TTLL5: variants seen among roughly 807,000 people sequenced by gnomAD.
TTLL5 encodes tubulin polyglutamylase TTLL5.
A neutral mutation model predicts 168.4 loss-of-function variants in TTLL5; 132 were observed. The observed-to-expected ratio is 0.78, with a 90% CI of 0.68 to 0.91. The LOEUF is 0.91. Ranked by LOEUF, TTLL5 falls within the 40% of genes least tolerant of loss-of-function variation. TTLL5 has a pLI of 0.00. For synonymous variants in TTLL5, 546 were observed against 558.6 expected, an observed-to-expected ratio of 0.98 and a Z score of 0.32; for missense variants, 1,545 against 1,581.5, an observed-to-expected ratio of 0.98 and a Z score of 0.39.
intron 27 of TTLL5, among the ~76,000 whole-genome samples, chr14:75,798,009 T>G (rs1219365800): frequency 6.6e-6 from 1 of 152,048 alleles, no homozygotes; most frequent in Non-Finnish European, 1.5e-5. Flanking sequence ...TGGAATAGTT[T>G]CAATAAGATT....
chr14:75,783,056 G>A lies in TTLL5; in HGVS notation c.2603-91G>A. The A allele has an allele frequency of 3.1e-6, 4 of 1,291,450 alleles. No individual in the cohort carries two copies. In the South Asian group the frequency reaches 4.6e-5, roughly 15 times the overall value. 80.0% of individuals were successfully genotyped at this position (1,291,450 alleles called of 1,614,324 possible). ...ATTTCTGTTTCATGCCAAGATTATT[G>A]TGATGTTTATGTTTTAAAAATATTT... On this transcript the variant is annotated intron_variant, in intron 25 of 31. Transcript: ENST00000298832.
intron 15 of TTLL5, among the ~76,000 whole-genome samples, chr14:75,743,308 G>T (rs1175532859): frequency 6.6e-6 from 1 of 152,118 alleles, no homozygotes; most frequent in Non-Finnish European, 1.5e-5. Context: ...ATCCATGGTT[G>T]GTTATTTGTG....
intron 30 of TTLL5, 147 bp from the exon 31 acceptor site, chr14:75,901,995 G>A (rs181412236): frequency 2.2e-5 from 15 of 671,898 alleles, no homozygotes; most frequent in South Asian, 7.0e-5. Flanking sequence ...TCTCTGATAA[G>A]GTGACATTTG....
chr14:75,715,264 C>CTTTT lies in TTLL5; in HGVS notation c.741-2578_741-2575dup, dbSNP rs1201985101. ...ACTTCCCACCCTACTCACCATCTTC[C>CTTTT]TTTTTTTTTTTTTTTTTTTTTTGTA... On this transcript the variant is annotated intron_variant, in intron 9 of 31. Transcript: ENST00000298832. Among the ~76,000 whole-genome samples the CTTTT allele has an allele frequency of 7.1e-4, 93 of 130,936 alleles. 1 individual carries two copies. Among genetic ancestry groups the CTTTT allele is most frequent in the East Asian group, 1.0e-3 (5 of 4,768 alleles). The allele number at this position is 130,936 out of a possible 152,430, so 85.9% of individuals were successfully genotyped here. A position where few individuals can be genotyped will look rare whatever the true frequency, so the allele number is the denominator to read the frequency against.
At chr14:75,806,373 C>A (rs560162870) in intron 27 of TTLL5, among the ~76,000 whole-genome samples, 2 of 152,156 alleles carry the variant, frequency 1.3e-5, no homozygotes, top group African/African-American at 2.4e-5. Flanking sequence ...TCATGGTACT[C>A]TTCTGCTTAA....
At chr14:75,734,090 T>C in intron 14 of TTLL5, 40 bp downstream of exon 14, 2 of 1,598,802 alleles carry the variant, frequency 1.3e-6, no homozygotes, top group South Asian at 2.2e-5. Flanking sequence ...CACATAAAAA[T>C]TAACCGGAGC....
intron 10 of TTLL5, 55 bp downstream of exon 10, chr14:75,718,017 T>C: frequency 6.6e-7 from 1 of 1,524,514 alleles, no homozygotes; most frequent in South Asian, 1.1e-5. Context: ...ATGTGGGTGT[T>C]GTAGAGGTGG....
intron 31 of TTLL5, among the ~76,000 whole-genome samples, chr14:75,909,792 G>A (rs1028650212): frequency 3.9e-5 from 6 of 152,232 alleles, no homozygotes; most frequent in African/African-American, 1.2e-4. Context: ...GTGTTTTGCT[G>A]GCATTGACCT....
intron 5 of TTLL5, chr14:75,683,966 G>T: frequency 7.6e-6 from 2 of 264,470 alleles, no homozygotes; most frequent in South Asian, 7.6e-5. Flanking sequence ...GAGAGACGAG[G>T]TTTCGCCATG....
In TTLL5 at chr14:75,696,137, G is replaced by T. The variant is rs193224853; in HGVS notation, c.503-3051G>T. On this transcript the variant is annotated intron_variant, in intron 6 of 31. Coordinates refer to ENST00000298832, the MANE Select transcript of TTLL5 (RefSeq NM_015072.5). ...ACTCCTGGCCTCAAGGGATCCTCCT[G>T]CCCCAGTCTCCCAAAGCGCTGGGAT... is the stretch of plus-strand genomic sequence containing the variant. Among the ~76,000 whole-genome samples, 59 of 152,060 alleles carry T rather than the reference G, an allele frequency of 3.9e-4. No homozygotes were observed. The East Asian group carries it at 0.011, about 29-fold the overall frequency.
intron 27 of TTLL5, among the ~76,000 whole-genome samples, chr14:75,817,129 AC>A (rs1321269523): frequency 6.6e-6 from 1 of 151,586 alleles, no homozygotes; most frequent in Non-Finnish European, 1.5e-5. Flanking sequence ...ACAGGCTCAC[AC>A]CACCACGCCC....
At chr14:75,935,576 G>A (rs538397632) in intron 31 of TTLL5, among the ~76,000 whole-genome samples, 2 of 152,346 alleles carry the variant, frequency 1.3e-5, no homozygotes, top group East Asian at 1.9e-4. Context: ...ACACTAAAAA[G>A]ATGTGTTGGG....
chr14:75,832,906 T>G (rs1386964853), intron 28 of TTLL5, among the ~76,000 whole-genome samples: 2 of 152,160 alleles, frequency 1.3e-5, no homozygotes, highest in Admixed American at 6.5e-5. Context: ...TCCCTTCTTC[T>G]CCTATCAGGC....
intron 27 of TTLL5, among the ~76,000 whole-genome samples, chr14:75,814,339 C>T (rs1894252157): frequency 6.6e-6 from 1 of 152,242 alleles, no homozygotes; most frequent in Non-Finnish European, 1.5e-5. Flanking sequence ...TATCAGGTAC[C>T]TGTAAGTGCT....
chr14:75,749,816 C>T (rs1363582346), intron 17 of TTLL5, among the ~76,000 whole-genome samples: 7 of 152,006 alleles, frequency 4.6e-5, no homozygotes, highest in Admixed American at 4.6e-4. Context: ...ATATTATCAA[C>T]AAATGTCTAC....
chr14:75,852,000 C>A (rs537993843), intron 28 of TTLL5, among the ~76,000 whole-genome samples: 1 of 152,168 alleles, frequency 6.6e-6, no homozygotes, highest in African/African-American at 2.4e-5. Flanking sequence ...ATGTGCTAAA[C>A]GCTGTACATA....
Position 75,683,616 on chromosome 14 carries a change from C to A in TTLL5, c.331C>A (p.Arg111Ser), listed in dbSNP as rs761381633. The A allele has an allele frequency of 4.9e-5, 79 of 1,613,886 alleles. No individual in the cohort carries two copies. Among genetic ancestry groups the A allele is most frequent in the Admixed American group, 1.7e-5 (1 of 60,004 alleles). Residue 111 changes from arginine to serine, a missense_variant, in exon 5 of 32, where the codon CGC becomes AGC. By Grantham distance (110) the Arg-to-Ser change is moderately radical. Coordinates refer to ENST00000298832, the MANE Select transcript of TTLL5 (RefSeq NM_015072.5). ...TGSHLKPFLL[R>S]TLSEAQKVNH... ...ATCCCACCTGAAGCCCTTCTTACTG[C>A]GCACCCTCTCTGAAGCACAAAAAGT...
chr14:75,868,665 C>G (rs951308166), intron 29 of TTLL5, among the ~76,000 whole-genome samples: 5 of 152,180 alleles, frequency 3.3e-5, no homozygotes, highest in Non-Finnish European at 7.3e-5. Flanking sequence ...TATACACAAT[C>G]CCACAGGTGT....
At chr14:75,849,232 T>C (rs1372987991) in intron 28 of TTLL5, among the ~76,000 whole-genome samples, 2 of 152,200 alleles carry the variant, frequency 1.3e-5, no homozygotes, top group African/African-American at 4.8e-5. Context: ...TCTCTGCTTA[T>C]TGAGTGGCTA....
Sources: allele counts gnomAD v4.1 joint callset (sites outside exome capture counted in the v4.1 genomes callset), GRCh38; gene constraint gnomAD v4.1.1; transcripts MANE v1.5; gene names NCBI Gene and HGNC (gene_info 2026-07-23, HGNC 2026-07-21).